SPMAP2L: variants seen among roughly 807,000 people sequenced by gnomAD.
SPMAP2L encodes the protein sperm microtubule associated protein 2-like.
the SPMAP2L span, among the ~76,000 whole-genome samples, chr4:56,572,782 A>C: frequency 6.6e-6 from 1 of 152,108 alleles, no homozygotes; most frequent in African/African-American, 2.4e-5. Context: ...TTGGGAGGCC[A>C]AGGCAGGTGG....
At chr4:56,585,825 T>C in the SPMAP2L span, among the ~76,000 whole-genome samples, 1 of 152,178 alleles carries the variant, frequency 6.6e-6, no homozygotes, top group African/African-American at 2.4e-5. Context: ...GACTACAGTG[T>C]ATTTTTTTTC....
the SPMAP2L span, chr4:56,596,544 T>A: frequency 2.0e-6 from 3 of 1,533,222 alleles, no homozygotes; most frequent in Non-Finnish European, 2.6e-6. Context: ...CGATTGCAAC[T>A]CCAAGAATTA....
the SPMAP2L span, among the ~76,000 whole-genome samples, chr4:56,596,303 G>A: frequency 8.5e-5 from 13 of 152,114 alleles, no homozygotes; most frequent in East Asian, 7.7e-4. Context: ...AAGCTACATC[G>A]GAATCCATGT....
the SPMAP2L span, among the ~76,000 whole-genome samples, chr4:56,581,818 A>G: frequency 6.6e-6 from 1 of 152,200 alleles, no homozygotes; most frequent in African/African-American, 2.4e-5. Context: ...AGGCACAAGG[A>G]TAGACATTTA....
At chr4:56,559,320 A>G in the SPMAP2L span, 6 of 1,170,390 alleles carry the variant, frequency 5.1e-6, no homozygotes, top group African/African-American at 8.3e-5. Context: ...AAAAAAAAAA[A>G]AAGAGTCATT....
chr4:56,593,628 T>A, the SPMAP2L span: 2 of 1,605,122 alleles, frequency 1.2e-6, no homozygotes, highest in Non-Finnish European at 8.5e-7. Flanking sequence ...GGAGTGCCAC[T>A]GGGCTATGGG....
the SPMAP2L span, among the ~76,000 whole-genome samples, chr4:56,615,349 C>T: frequency 2.0e-5 from 3 of 152,318 alleles, no homozygotes; most frequent in African/African-American, 4.8e-5. Flanking sequence ...AAAGTACCTG[C>T]GATCAGTCAT....
the SPMAP2L span, among the ~76,000 whole-genome samples, chr4:56,534,484 A>G: frequency 6.6e-6 from 1 of 152,110 alleles, no homozygotes; most frequent in African/African-American, 2.4e-5. Context: ...AACTTTCCTT[A>G]TTCCCTGGGT....
chr4:56,554,683 A>AT, the SPMAP2L span, among the ~76,000 whole-genome samples: 4 of 151,694 alleles, frequency 2.6e-5, no homozygotes, highest in South Asian at 4.1e-4. Flanking sequence ...CAATTTACTG[A>AT]TTTTTTCTTT....
At chr4:56,552,429 C>T in the SPMAP2L span, 4 of 636,800 alleles carry the variant, frequency 6.3e-6, no homozygotes, top group Non-Finnish European at 1.1e-5. Context: ...CTCTTCAAAT[C>T]ACATCAAATA....
chr4:56,591,052 T>C, the SPMAP2L span, among the ~76,000 whole-genome samples: 25 of 152,316 alleles, frequency 1.6e-4, no homozygotes, highest in East Asian at 1.9e-3. Flanking sequence ...TGATTCAATA[T>C]GTTATGGTTT....
the SPMAP2L span, among the ~76,000 whole-genome samples, chr4:56,576,006 T>G: frequency 6.6e-6 from 1 of 152,238 alleles, no homozygotes; most frequent in Non-Finnish European, 1.5e-5. Context: ...GAATTTCTCC[T>G]TGTCTTTATA....
chr4:56,572,490 C>T, the SPMAP2L span, among the ~76,000 whole-genome samples: 1 of 152,176 alleles, frequency 6.6e-6, no homozygotes, highest in Non-Finnish European at 1.5e-5. Flanking sequence ...TCCACTCTCT[C>T]CTAGTGAGTG....
At chr4:56,554,606 A>G in the SPMAP2L span, among the ~76,000 whole-genome samples, 46 of 152,186 alleles carry the variant, frequency 3.0e-4, 2 homozygotes, top group Non-Finnish European at 1.5e-5. Context: ...CTCCCAGTCT[A>G]TGGTTTAGCT....
the SPMAP2L span, among the ~76,000 whole-genome samples, chr4:56,606,866 G>T: frequency 4.6e-5 from 7 of 152,308 alleles, no homozygotes; most frequent in Admixed American, 3.3e-4. Flanking sequence ...TGGGAAGGGG[G>T]CAGTGGAGGT....
chr4:56,575,899 A>G, the SPMAP2L span, among the ~76,000 whole-genome samples: 1 of 152,342 alleles, frequency 6.6e-6, no homozygotes, highest in East Asian at 1.9e-4. Flanking sequence ...AAAAGGAAAT[A>G]TGCAACTAAA....
At chr4:56,568,236 C>G in the SPMAP2L span, among the ~76,000 whole-genome samples, 1 of 152,072 alleles carries the variant, frequency 6.6e-6, no homozygotes, top group African/African-American at 2.4e-5. Context: ...TTTTAATGTT[C>G]TTGCCTACTA....
chr4:56,617,478 T>C, the SPMAP2L span, among the ~76,000 whole-genome samples: 1 of 152,270 alleles, frequency 6.6e-6, no homozygotes, highest in African/African-American at 2.4e-5. Context: ...TTCCCCCTTA[T>C]AGGGCATGCA....
chr4:56,615,315 T>C, the SPMAP2L span, among the ~76,000 whole-genome samples: 1 of 152,198 alleles, frequency 6.6e-6, no homozygotes, highest in Non-Finnish European at 1.5e-5. Context: ...GCTAGAGAGG[T>C]AGTAAACTGC....
Sources: allele counts gnomAD v4.1 joint callset (sites outside exome capture counted in the v4.1 genomes callset), GRCh38; gene constraint gnomAD v4.1.1; transcripts MANE v1.5; gene names NCBI Gene and HGNC (gene_info 2026-07-23, HGNC 2026-07-21).